Variants in TRPM6 observed in about 807,000 individuals in gnomAD.
TRPM6 encodes transient receptor potential cation channel subfamily M member 6, also known as channel kinase 2.
Under a neutral mutation model 247.6 loss-of-function variants are expected in TRPM6, and 111 were observed. That is an observed-to-expected ratio of 0.45 (90% CI 0.38 to 0.52). The LOEUF (loss-of-function observed/expected upper bound fraction) is 0.52. Ranked by LOEUF, TRPM6 falls within the 20% of genes least tolerant of loss-of-function variation. The pLI, the probability that TRPM6 is intolerant of heterozygous loss-of-function variation, is 0.00. For synonymous variants in TRPM6, 892 were observed against 853.8 expected (o/e 1.04, Z -0.78); for missense variants, 2,126 against 2,421.5 (o/e 0.88, Z 2.56).
intron 11 of TRPM6, among the ~76,000 whole-genome samples, chr9:74,814,432 A>T (rs905763626): frequency 6.6e-6 from 1 of 152,206 alleles, no homozygotes; most frequent in Non-Finnish European, 1.5e-5. Flanking sequence ...TGTACATTTT[A>T]AAATAATTAA....
At chr9:74,776,123 G>A (rs1297173131) in intron 23 of TRPM6, 47 bp from the exon 24 acceptor site, 5 of 1,519,458 alleles carry the variant, frequency 3.3e-6, no homozygotes, top group Non-Finnish European at 3.7e-6. Context: ...ATGAAGTCTT[G>A]AAAGGTAACA....
At chr9:74,779,656 G>A (rs1827349132) in intron 23 of TRPM6, among the ~76,000 whole-genome samples, 1 of 151,884 alleles carries the variant, frequency 6.6e-6, no homozygotes, top group Non-Finnish European at 1.5e-5. Flanking sequence ...CTTTTGTCTA[G>A]GAAACAAATA....
chr9:74,778,866 A>G (rs1827319260), intron 23 of TRPM6, among the ~76,000 whole-genome samples: 1 of 152,092 alleles, frequency 6.6e-6, no homozygotes, highest in African/African-American at 2.4e-5. Context: ...GTACACCCCT[A>G]GTGACTGGGA....
intron 3 of TRPM6, 115 bp from the exon 4 acceptor site, chr9:74,842,458 T>C: frequency 9.4e-7 from 1 of 1,066,092 alleles, no homozygotes; most frequent in South Asian, 1.4e-5. Flanking sequence ...AAACTTCACA[T>C]TAAGGTTTAT....
chr9:74,774,524 A>C (rs1325289301), intron 24 of TRPM6, among the ~76,000 whole-genome samples: 1 of 152,162 alleles, frequency 6.6e-6, no homozygotes, highest in African/African-American at 2.4e-5. Flanking sequence ...GAGAAAAAAT[A>C]CTTCACAGAG....
At chr9:74,878,478 C>T (rs1831258783) in intron 1 of TRPM6, among the ~76,000 whole-genome samples, 1 of 152,208 alleles carries the variant, frequency 6.6e-6, no homozygotes, top group Non-Finnish European at 1.5e-5. Flanking sequence ...CACTAACAAT[C>T]ACACCTGAAG....
intron 36 of TRPM6, chr9:74,737,206 A>T: frequency 6.0e-6 from 1 of 167,464 alleles, no homozygotes; most frequent in Non-Finnish European, 1.1e-5. Flanking sequence ...AATTGAATTA[A>T]ATATAATTCA....
chr9:74,826,736 CTTT>C (rs561369498), intron 7 of TRPM6: 5,865 of 51,828 alleles, frequency 0.11, 276 homozygotes, highest in African/African-American at 0.22. Context: ...CTTTTTCTTT[CTTT>C]TTTTTTTTTT....
intron 1 of TRPM6, among the ~76,000 whole-genome samples, chr9:74,881,981 G>C (rs572828645): frequency 9.9e-5 from 15 of 152,112 alleles, no homozygotes; most frequent in Admixed American, 5.2e-4. Flanking sequence ...ATCATGCTGG[G>C]AAAACTGGAT....
At chr9:74,731,082 G>A (rs1294712855) in intron 37 of TRPM6, among the ~76,000 whole-genome samples, 1 of 152,092 alleles carries the variant, frequency 6.6e-6, no homozygotes, top group Non-Finnish European at 1.5e-5. Context: ...AAGTTCCCTA[G>A]GTGACTTTAA....
At position 74,826,106 on chromosome 9, in the gene TRPM6, A is replaced by G. The variant is rs191360454; in HGVS notation, c.841+1672T>C. ...ACTGTACCAAAGGAGGGAAAAAGGA[A>G]GGAAAGAAACAGACATTTATTAAAG... On this transcript the variant is annotated intron_variant, in intron 7 of 38. Coordinates refer to ENST00000360774, the MANE Select transcript of TRPM6 (RefSeq NM_017662.5). Among the ~76,000 whole-genome samples the G allele has an allele frequency of 6.6e-3, 1,007 of 152,310 alleles. 4 individuals carry two copies. The highest frequency in any genetic ancestry group is 0.011 in the Non-Finnish European group (723 of 68,024).
At chr9:74,821,905 C>T (rs1829141345) in intron 7 of TRPM6, 68 bp from the exon 8 acceptor site, 1 of 1,562,674 alleles carries the variant, frequency 6.4e-7, no homozygotes, top group Non-Finnish European at 8.8e-7. Flanking sequence ...GCCGTTTTGA[C>T]TTCCAGACAC....
intron 1 of TRPM6, among the ~76,000 whole-genome samples, chr9:74,866,003 T>C (rs1418543985): frequency 2.6e-5 from 4 of 152,138 alleles, no homozygotes. Flanking sequence ...AAGCCTTTAT[T>C]AGAAGTTACA....
intron 36 of TRPM6, among the ~76,000 whole-genome samples, chr9:74,736,807 C>T (rs1319215215): frequency 2.6e-5 from 4 of 152,286 alleles, no homozygotes; most frequent in South Asian, 2.1e-4. Context: ...AGACTGTCAA[C>T]GCAGCATTTG....
intron 32 of TRPM6, among the ~76,000 whole-genome samples, chr9:74,743,060 G>T (rs1232337565): frequency 2.0e-5 from 3 of 152,202 alleles, no homozygotes; most frequent in Admixed American, 2.0e-4. Flanking sequence ...GCCGAAGACC[G>T]ATTTTAATTA....
At chr9:74,868,146 C>CAAAA (rs796635861) in intron 1 of TRPM6, among the ~76,000 whole-genome samples, 1 of 85,822 alleles carries the variant, frequency 1.2e-5, no homozygotes, top group African/African-American at 4.4e-5. Flanking sequence ...CGAGACTCCG[C>CAAAA]AAAAAAAAAA....
At chr9:74,827,722 A>G in intron 7 of TRPM6, 56 bp downstream of exon 7, 11 of 1,581,986 alleles carry the variant, frequency 7.0e-6, no homozygotes, top group Non-Finnish European at 9.6e-6. Flanking sequence ...GAAGACCATG[A>G]AAGACCTCAG....
intron 4 of TRPM6, among the ~76,000 whole-genome samples, chr9:74,841,544 G>A (rs540028505): frequency 2.7e-5 from 4 of 150,732 alleles, no homozygotes; most frequent in South Asian, 2.1e-4. Context: ...TTATGCTGTC[G>A]CCCAGGCTGG....
chr9:74,783,357 C>T (rs1827529877), intron 21 of TRPM6, among the ~76,000 whole-genome samples: 1 of 152,144 alleles, frequency 6.6e-6, no homozygotes, highest in East Asian at 1.9e-4. Flanking sequence ...GAGCACTCAC[C>T]ACAATTCCCA....
Sources: allele counts gnomAD v4.1 joint callset (sites outside exome capture counted in the v4.1 genomes callset), GRCh38; gene constraint gnomAD v4.1.1; transcripts MANE v1.5; gene names NCBI Gene and HGNC (gene_info 2026-07-23, HGNC 2026-07-21).